CSMD3: variants seen among roughly 807,000 people sequenced by gnomAD.
CSMD3 encodes CUB and Sushi multiple domains 3.
Under a neutral mutation model 435.2 loss-of-function variants are expected in CSMD3, and 177 were observed. The ratio of observed to expected loss-of-function variants is 0.41; its 90% CI spans 0.36 to 0.46. The LOEUF is 0.46. Ranked by LOEUF, CSMD3 falls within the 20% of genes least tolerant of loss-of-function variation. The probability of loss-of-function intolerance (pLI) is 0.34; values close to 1 mark genes in which losing one functional copy is unlikely to be tolerated. For missense variants in CSMD3, 4,265 were observed against 4,504.6 expected (o/e 0.95, Z 1.52); for synonymous variants, 1,656 against 1,520.5 (o/e 1.09, Z -2.07).
At chr8:113,416,755 T>A (rs2094583360) in intron 1 of CSMD3, among the ~76,000 whole-genome samples, 1 of 152,112 alleles carries the variant, frequency 6.6e-6, no homozygotes, top group African/African-American at 2.4e-5. Context: ...CACTTGGTTG[T>A]GGTCCTATTA....
chr8:112,750,525 T>C (rs2077543993), intron 13 of CSMD3, among the ~76,000 whole-genome samples: 1 of 152,054 alleles, frequency 6.6e-6, no homozygotes, highest in Non-Finnish European at 1.5e-5. Context: ...CATAGATGCT[T>C]TGTATATGAT....
intron 22 of CSMD3, among the ~76,000 whole-genome samples, chr8:112,633,233 T>C (rs1043739561): frequency 3.3e-5 from 5 of 152,016 alleles, no homozygotes; most frequent in Non-Finnish European, 7.4e-5. Context: ...TCTAGTTAAA[T>C]AGAGGACAAG....
chr8:112,477,889 C>T (rs1431426727), intron 31 of CSMD3, among the ~76,000 whole-genome samples: 1 of 152,146 alleles, frequency 6.6e-6, no homozygotes, highest in African/African-American at 2.4e-5. Flanking sequence ...TGTCCCCAGC[C>T]AAATCTCATC....
chr8:112,679,342 T>G (rs868294512), intron 16 of CSMD3, among the ~76,000 whole-genome samples: 2 of 152,050 alleles, frequency 1.3e-5, no homozygotes, highest in Middle Eastern at 3.2e-3. Flanking sequence ...ACCCTAAGAT[T>G]GCTTCTGGCC....
At chr8:113,085,335 T>C (rs558471694) in intron 5 of CSMD3, among the ~76,000 whole-genome samples, 34 of 152,078 alleles carry the variant, frequency 2.2e-4, no homozygotes, top group African/African-American at 8.2e-4. Flanking sequence ...TTGGTGGGAA[T>C]GTAAATCACT....
intron 4 of CSMD3, among the ~76,000 whole-genome samples, chr8:113,166,914 AC>A (rs1191817718): frequency 6.6e-6 from 1 of 152,178 alleles, no homozygotes; most frequent in Non-Finnish European, 1.5e-5. Context: ...GTTGTTGAAT[AC>A]CATTGATTAG....
chr8:113,195,810 T>TACAC lies in CSMD3; in HGVS notation c.515-21895_515-21894insGTGT, dbSNP rs1220655144. Reference sequence around the variant, plus strand: ...TATATTTTATATATATATATATATATATATACACACACACACACACACACA... The same window carrying TACAC: ...TATATTTTATATATATATATATATATACACATATACACACACACACACACACACA... On this transcript the variant is annotated intron_variant, in intron 3 of 70. Transcript: ENST00000297405. Among the ~76,000 whole-genome samples, 721 of 141,680 alleles carry TACAC rather than the reference T, an allele frequency of 5.1e-3. 11 individuals are homozygous for TACAC. The highest frequency in any genetic ancestry group is 0.018 in the African/African-American group (684 of 37,844). 92.9% of individuals were successfully genotyped at this position (141,680 alleles called of 152,430 possible). A position where few individuals can be genotyped will look rare whatever the true frequency, so the allele number is the denominator to read the frequency against.
chr8:113,370,692 T>G (rs956967080), intron 1 of CSMD3, among the ~76,000 whole-genome samples: 10 of 152,026 alleles, frequency 6.6e-5, no homozygotes, highest in Admixed American at 4.6e-4. Flanking sequence ...TACTATTCAT[T>G]TCTCAGTTAT....
intron 13 of CSMD3, among the ~76,000 whole-genome samples, chr8:112,719,203 A>C (rs1448664286): frequency 6.6e-6 from 1 of 152,186 alleles, no homozygotes; most frequent in African/African-American, 2.4e-5. Context: ...TTAGAAGACT[A>C]AGTAAAAGTT....
At chr8:112,586,527 A>G (rs1334901922) in intron 23 of CSMD3, among the ~76,000 whole-genome samples, 2 of 151,468 alleles carry the variant, frequency 1.3e-5, no homozygotes, top group Non-Finnish European at 3.0e-5. Context: ...GATAGTCATT[A>G]TCAACAAAGT....
At position 113,027,344 on chromosome 8, in the gene CSMD3, T is replaced by TA. The variant is rs531044039; in HGVS notation, c.918-8166dup. On this transcript the variant is annotated intron_variant, in intron 5 of 70. Coordinates refer to ENST00000297405, the MANE Select transcript of CSMD3 (RefSeq NM_198123.2). The stretch of plus-strand genomic sequence containing the variant: ...GCATATTCAAAAATACTCAAAAAAA[T>TA]AAAAAAAACTTTCTGTTGTGTTGTG... Among the ~76,000 whole-genome samples, 310 of 151,976 alleles carry TA rather than the reference T, an allele frequency of 2.0e-3. 1 individual carries two copies. The highest frequency in any genetic ancestry group is 6.9e-3 in the African/African-American group (285 of 41,488).
chr8:112,251,609 A>G (rs1355711247), intron 63 of CSMD3, among the ~76,000 whole-genome samples: 1 of 151,858 alleles, frequency 6.6e-6, no homozygotes, highest in Non-Finnish European at 1.5e-5. Context: ...ACTAATTTCA[A>G]TTACAAACTG....
rs1463512718 is a variant in CSMD3 at position 113,016,787 on chromosome 8, C to A, written c.1030+2280G>T. Among the ~76,000 whole-genome samples, 4 of 151,890 alleles carry A rather than the reference C, an allele frequency of 2.6e-5. No individual in the cohort carries two copies. The East Asian group carries it at 7.7e-4, about 29-fold the overall frequency. ...GGAACAATGTAAAAAGCATCGTTAC[C>A]ATTTCATGATAGGGCATGTATTTTG... On this transcript the variant is annotated intron_variant, in intron 6 of 70. Transcript: ENST00000297405.
chr8:112,288,909 T>C (rs762494906), intron 57 of CSMD3, among the ~76,000 whole-genome samples: 14 of 152,146 alleles, frequency 9.2e-5, no homozygotes, highest in Non-Finnish European at 1.8e-4. Flanking sequence ...TTTTGGACTT[T>C]ATTTTAAAAT....
chr8:113,223,042 AAG>A (rs1402369843), intron 3 of CSMD3, among the ~76,000 whole-genome samples: 1 of 150,798 alleles, frequency 6.6e-6, no homozygotes, highest in African/African-American at 2.4e-5. Flanking sequence ...TATTCCTAAA[AAG>A]AGTATTAAAT....
At chr8:112,817,452 C>CTATT (rs2079406657) in intron 12 of CSMD3, among the ~76,000 whole-genome samples, 1 of 151,622 alleles carries the variant, frequency 6.6e-6, no homozygotes, top group Admixed American at 6.6e-5. Context: ...ATCTGTGAAA[C>CTATT]AAAGTTCTTT....
intron 1 of CSMD3, among the ~76,000 whole-genome samples, chr8:113,372,264 T>C (rs918505823): frequency 6.6e-6 from 1 of 152,208 alleles, no homozygotes; most frequent in East Asian, 1.9e-4. Context: ...TTGCACAAAG[T>C]CCATAGTTAG....
intron 22 of CSMD3, among the ~76,000 whole-genome samples, chr8:112,629,408 G>A (rs956104910): frequency 2.0e-5 from 3 of 151,952 alleles, no homozygotes; most frequent in African/African-American, 7.3e-5. Flanking sequence ...TGCTCAGGCT[G>A]TTCTTACTGT....
At chr8:112,758,305 T>A (rs1486305080) in intron 13 of CSMD3, among the ~76,000 whole-genome samples, 1 of 151,024 alleles carries the variant, frequency 6.6e-6, no homozygotes, top group East Asian at 1.9e-4. Flanking sequence ...TGAGCAGGGA[T>A]CGCGCCACTG....
Sources: allele counts gnomAD v4.1 joint callset (sites outside exome capture counted in the v4.1 genomes callset), GRCh38; gene constraint gnomAD v4.1.1; transcripts MANE v1.5; gene names NCBI Gene and HGNC (gene_info 2026-07-23, HGNC 2026-07-21).